Variants in OR6N1 observed in about 807,000 individuals in gnomAD.
OR6N1 encodes the protein olfactory receptor 6N1.
For missense variants in OR6N1, 394 were observed against 371.7 expected, an observed-to-expected ratio of 1.06 and a Z score of -0.49; for synonymous variants, 170 against 150.7, an observed-to-expected ratio of 1.13 and a Z score of -0.94.
At chr1:158,768,547 C>G (rs560765501) in intron 1 of OR6N1, among the ~76,000 whole-genome samples, 1 of 152,272 alleles carries the variant, frequency 6.6e-6, no homozygotes, top group South Asian at 2.1e-4. Flanking sequence ...ACAGATCTCC[C>G]TACTTGCATT....
chr1:158,816,184 C>A, the OR6N1 span, among the ~76,000 whole-genome samples: 1 of 150,818 alleles, frequency 6.6e-6, no homozygotes, highest in Non-Finnish European at 1.5e-5. Context: ...AATATGGTAA[C>A]CATAATGATT....
At chr1:158,774,007 G>A (rs1328345921), upstream of OR6N1, among the ~76,000 whole-genome samples, 2 of 152,132 alleles carry the variant, frequency 1.3e-5, no homozygotes, top group South Asian at 2.1e-4. Context: ...CTGATTCCAA[G>A]CTATTGGTTC....
upstream of OR6N1, among the ~76,000 whole-genome samples, chr1:158,773,287 T>C (rs543588200): frequency 2.8e-4 from 43 of 152,310 alleles, no homozygotes; most frequent in African/African-American, 8.9e-4. Flanking sequence ...TTTTGACTAG[T>C]ATACGTAGAG....
rs1323992426 is a variant in OR6N1, at chr1:158,764,978, T to C, written c.*766A>G. 6.6e-6 allele frequency: 1 copy of C among 152,048 alleles called. No homozygotes were observed. Among genetic ancestry groups the C allele is most frequent in the Non-Finnish European group, 1.5e-5 (1 of 67,968 alleles). The allele number at this position is 152,048 out of a possible 1,614,324, so 9.4% of individuals were successfully genotyped here. On this transcript the variant is annotated 3_prime_UTR_variant, in exon 2 of 2. Coordinates refer to ENST00000641846, the MANE Select transcript of OR6N1 (RefSeq NM_001005185.2). ...GTTTGCTCCTTTCCTTTGGAGAAAA[T>C]ACTTGGAAAGTATTTTTGTTTATTT...
the OR6N1 span, chr1:158,808,683 C>T: frequency 1.3e-5 from 2 of 152,752 alleles, no homozygotes; most frequent in Admixed American, 1.3e-4. Context: ...TTCAGGATAC[C>T]TCCATAGAGT....
At chr1:158,777,267 G>T in the OR6N1 span, 1 of 1,614,044 alleles carries the variant, frequency 6.2e-7, no homozygotes, top group Non-Finnish European at 8.5e-7. Context: ...AAATGGCCAG[G>T]TATCTATCAT....
the OR6N1 span, among the ~76,000 whole-genome samples, chr1:158,795,393 C>A: frequency 5.3e-5 from 8 of 152,188 alleles, no homozygotes; most frequent in African/African-American, 1.9e-4. Flanking sequence ...GGGCATCCAG[C>A]TTCTGTGCCC....
the OR6N1 span, among the ~76,000 whole-genome samples, chr1:158,835,776 T>A: frequency 6.6e-6 from 1 of 152,060 alleles, no homozygotes; most frequent in Admixed American, 6.5e-5. Flanking sequence ...TATGTAGACT[T>A]TACTATGTTG....
chr1:158,810,986 T>C, the OR6N1 span, among the ~76,000 whole-genome samples: 7 of 152,148 alleles, frequency 4.6e-5, no homozygotes, highest in African/African-American at 1.7e-4. Context: ...CACCCAGGTA[T>C]TAAGCCTAGT....
intron 1 of OR6N1, among the ~76,000 whole-genome samples, chr1:158,768,983 T>G (rs1226478276): frequency 6.6e-6 from 1 of 152,216 alleles, no homozygotes; most frequent in Non-Finnish European, 1.5e-5. Context: ...CTATTTTGTT[T>G]ACTGGTGTAT....
At chr1:158,836,133 G>A in the OR6N1 span, among the ~76,000 whole-genome samples, 1 of 136,584 alleles carries the variant, frequency 7.3e-6, no homozygotes, top group Non-Finnish European at 1.6e-5. Flanking sequence ...ATGTTCGCTA[G>A]CATTTTGTAA....
the OR6N1 span, among the ~76,000 whole-genome samples, chr1:158,805,892 T>C: frequency 7.4e-4 from 113 of 152,324 alleles, 1 homozygote; most frequent in African/African-American, 2.6e-3. Context: ...TTTGAGTTGT[T>C]AGATGACTGC....
chr1:158,827,211 C>G, the OR6N1 span, among the ~76,000 whole-genome samples: 1 of 152,176 alleles, frequency 6.6e-6, no homozygotes, highest in African/African-American at 2.4e-5. Context: ...ATTCAATTGC[C>G]TCAGCTCATT....
At chr1:158,776,848 T>C, upstream of OR6N1, 1 of 1,614,156 alleles carries the variant, frequency 6.2e-7, no homozygotes, top group Non-Finnish European at 8.5e-7. Flanking sequence ...ATAGCTCTTC[T>C]TTAGCCGCAC....
chr1:158,838,661 T>C, the OR6N1 span, among the ~76,000 whole-genome samples: 2 of 152,156 alleles, frequency 1.3e-5, no homozygotes, highest in African/African-American at 4.8e-5. Flanking sequence ...CCTTATTTAC[T>C]CAATAATTTT....
chr1:158,778,371 G>A, the OR6N1 span, among the ~76,000 whole-genome samples: 6 of 152,298 alleles, frequency 3.9e-5, no homozygotes, highest in East Asian at 1.2e-3. Flanking sequence ...AAGCCCGTAA[G>A]ATGAATTTTC....
chr1:158,807,507 A>G, the OR6N1 span, among the ~76,000 whole-genome samples: 2 of 152,326 alleles, frequency 1.3e-5, no homozygotes, highest in Non-Finnish European at 2.9e-5. Context: ...AGAGGAAGCA[A>G]TAGAGGAGCT....
the OR6N1 span, chr1:158,777,711 T>TCC: frequency 1.2e-6 from 1 of 828,790 alleles, no homozygotes; most frequent in Non-Finnish European, 1.9e-6. Context: ...AAACTTCATT[T>TCC]CTCTCTCTCT....
At position 158,766,642 on chromosome 1, in the gene OR6N1, A is replaced by G. The variant is rs2102007206; in HGVS notation, c.41T>C (p.Ile14Thr). Residue 14 changes from isoleucine to threonine, a missense_variant, in exon 2 of 2, where the codon ATC becomes ACC. Transcript: ENST00000641846. ...ACCCTGGAGATGGGGGAAGCCCAAG[A>G]TGATGAATTCTGCTACCTGGCTCCA... is the stretch of plus-strand genomic sequence containing the variant. ...GNWSQVAEFI[I>T]LGFPHLQGVQ... 6.2e-7 allele frequency: 1 copy of G among 1,613,434 alleles called. No homozygotes were observed. The highest frequency in any genetic ancestry group is 8.5e-7 in the Non-Finnish European group (1 of 1,179,896).
Sources: gnomAD v4.1 joint callset for allele counts (sites outside exome capture counted in the v4.1 genomes callset) on GRCh38, gnomAD v4.1.1 for gene constraint, MANE v1.5 for transcripts, NCBI Gene and HGNC (gene_info 2026-07-23, HGNC 2026-07-21) for gene names.